Variants in KCNQ1 observed in about 807,000 individuals in gnomAD.
The protein encoded by KCNQ1 is potassium voltage-gated channel subfamily Q member 1.
Under a neutral mutation model 72.4 loss-of-function variants are expected in KCNQ1, and 49 were observed. The ratio of observed to expected loss-of-function variants is 0.68; its 90% confidence interval spans 0.54 to 0.86. The LOEUF is 0.86. Among genes scored for constraint, KCNQ1 ranks in the 40% least tolerant of loss-of-function variants. The probability of loss-of-function intolerance (pLI) is 0.00; values close to 1 mark genes in which losing one functional copy is unlikely to be tolerated. For synonymous variants in KCNQ1, 450 were observed against 412.6 expected (o/e 1.09, Z -1.10); for missense variants, 790 against 945.1 (o/e 0.84, Z 2.15).
At chr11:2,795,689 C>T (rs779554913) in intron 15 of KCNQ1, among the ~76,000 whole-genome samples, 1 of 152,248 alleles carries the variant, frequency 6.6e-6, no homozygotes, top group Non-Finnish European at 1.5e-5. Context: ...CACCCAGCCC[C>T]CAGCTACAGA....
chr11:2,640,890 C>T (rs995401917), intron 10 of KCNQ1: 1 of 399,492 alleles, frequency 2.5e-6, no homozygotes, highest in African/African-American at 2.1e-5. Context: ...ATGAGATCAA[C>T]TTTTATAGCT....
intron 15 of KCNQ1, among the ~76,000 whole-genome samples, chr11:2,837,753 G>A (rs1848105667): frequency 6.6e-6 from 1 of 152,240 alleles, no homozygotes; most frequent in African/African-American, 2.4e-5. Flanking sequence ...GGATGCTCCA[G>A]GAGGCAGGGC....
At chr11:2,680,066 T>C (rs1850365219) in intron 11 of KCNQ1, 3 of 395,690 alleles carry the variant, frequency 7.6e-6, no homozygotes, top group Non-Finnish European at 1.3e-5. Context: ...GCTAATTTTT[T>C]TTTTTATTAG....
chr11:2,718,183 C>T (rs758015893), intron 11 of KCNQ1, among the ~76,000 whole-genome samples: 7 of 152,194 alleles, frequency 4.6e-5, no homozygotes, highest in African/African-American at 1.2e-4. Flanking sequence ...CCCAGAGGCC[C>T]TCCCCTGACA....
Position 2,653,705 on chromosome 11 carries a change from C to A in KCNQ1, c.1394-8256C>A. On this transcript the variant is annotated intron_variant, in intron 10 of 15. Transcript: ENST00000155840. The surrounding 1 kb of genome is among the most constrained non-coding windows in gnomAD (Gnocchi z 5.3). ...CTCAGGAAGCCCAGCAGAACGAGGT[C>A]ATCTCTTCCAGGATTCCTGCCAGAA... 2.5e-6 allele frequency: 1 copy of A among 398,686 alleles called. No individual in the cohort carries two copies. Among genetic ancestry groups the A allele is most frequent in the Non-Finnish European group, 4.4e-6 (1 of 226,100 alleles). The allele number at this position is 398,686 out of a possible 1,614,324, so 24.7% of individuals were successfully genotyped here.
Position 2,815,616 on chromosome 11 carries a change from C to T in KCNQ1, c.1795-32151C>T, listed in dbSNP as rs1299479567. ...AAGATGAGGCACCCAGGATGCCTGA[C>T]AGTAGAGTTGCAGGGGGGCAGGCAC... On this transcript the variant is annotated intron_variant, in intron 15 of 15. Coordinates refer to ENST00000155840, the MANE Select transcript of KCNQ1 (RefSeq NM_000218.3). The surrounding 1 kb of genome is among the most constrained non-coding windows in gnomAD (Gnocchi z 5.4). Among the ~76,000 whole-genome samples, 2 of 152,166 alleles carry T rather than the reference C, an allele frequency of 1.3e-5. No homozygotes were observed. The highest frequency in any genetic ancestry group is 6.5e-5 in the Admixed American group (1 of 15,284).
rs1846135771 is a variant in KCNQ1, at chr11:2,746,125, AGT to A, written c.1515-22717_1515-22716del. Among the ~76,000 whole-genome samples, 1 of 152,174 alleles carries A rather than the reference AGT, an allele frequency of 6.6e-6. No individual in the cohort carries two copies. ...GGCTGATCTCGAACTCCTGGCCTCA[AGT>A]GATCCATCCGCCTCGGCCTCCCAAA... On this transcript the variant is annotated intron_variant, in intron 11 of 15. Transcript: ENST00000155840. This position sits in a 1 kb window ranked among gnomAD's most constrained non-coding sequence, Gnocchi z 5.9.
chr11:2,823,241 T>A (rs575979039), intron 15 of KCNQ1, among the ~76,000 whole-genome samples: 3 of 152,310 alleles, frequency 2.0e-5, no homozygotes, highest in African/African-American at 7.2e-5. Context: ...TCTGAACAGA[T>A]CAGTCTTTGG....
At position 2,752,756 on chromosome 11, in the gene KCNQ1, A is replaced by G. The variant is rs111434306; in HGVS notation, c.1515-16088A>G. 6.6e-6 allele frequency among the ~76,000 whole-genome samples: 1 copy of G among 152,174 alleles called. No individual in the cohort carries two copies. Among genetic ancestry groups the G allele is most frequent in the Admixed American group, 6.5e-5 (1 of 15,276 alleles). On this transcript the variant is annotated intron_variant, in intron 11 of 15. Transcript: ENST00000155840. This position sits in a 1 kb window ranked among gnomAD's most constrained non-coding sequence, Gnocchi z 5.2. ...TCAGGGCTGCGGGTTAGCTTTCGAC[A>G]TAGGGACTTTGGGAAGACACACACA...
At position 2,472,013 on chromosome 11, in the gene KCNQ1, T is replaced by A. The variant is rs148894284; in HGVS notation, c.386+26529T>A. 1.2e-4 allele frequency among the ~76,000 whole-genome samples: 19 copies of A among 152,012 alleles called. No individual in the cohort carries two copies. The East Asian group carries it at 3.7e-3, about 29-fold the overall frequency. On this transcript the variant is annotated intron_variant, in intron 1 of 15. Coordinates refer to ENST00000155840, the MANE Select transcript of KCNQ1 (RefSeq NM_000218.3). ...GTATAAGTGTGTGTGCACATGTGTATAGGTGTATGTATGGTTGTGTGTGTA... is the reference window on the plus strand; with the variant it reads ...GTATAAGTGTGTGTGCACATGTGTAAAGGTGTATGTATGGTTGTGTGTGTA...
In KCNQ1 at chr11:2,572,149, G is replaced by A. The variant is rs140551192; in HGVS notation, c.780+40G>A. ...TTAGGGGTGCGGGGCCCAGGTTGGG[G>A]ACAGGACGGAGGGAGCAGAGCAGCC... On this transcript the variant is annotated intron_variant, in intron 5 of 15. Coordinates refer to ENST00000155840, the MANE Select transcript of KCNQ1 (RefSeq NM_000218.3). 1,493 of 1,486,586 alleles carry A rather than the reference G, an allele frequency of 1.0e-3. 23 individuals are homozygous for A. In the East Asian group the frequency reaches 0.024, roughly 24 times the overall value. 92.1% of individuals were successfully genotyped at this position (1,486,586 alleles called of 1,614,324 possible). A position where few individuals can be genotyped will look rare whatever the true frequency, so the allele number is the denominator to read the frequency against.
chr11:2,510,508 G>A (rs1847181480), intron 1 of KCNQ1, among the ~76,000 whole-genome samples: 1 of 152,128 alleles, frequency 6.6e-6, no homozygotes, highest in African/African-American at 2.4e-5. Context: ...CCTGGAGGCT[G>A]AGGTGGGAGG....
At chr11:2,448,833 A>G (rs961286453) in intron 1 of KCNQ1, among the ~76,000 whole-genome samples, 29 of 152,146 alleles carry the variant, frequency 1.9e-4, no homozygotes, top group African/African-American at 6.5e-4. Context: ...GACCCGGCCC[A>G]GTGTTTCTAG....
In KCNQ1 at chr11:2,599,251, C is replaced by T. The variant is rs115979480; in HGVS notation, c.1393+10397C>T. On this transcript the variant is annotated intron_variant, in intron 10 of 15. Coordinates refer to ENST00000155840, the MANE Select transcript of KCNQ1 (RefSeq NM_000218.3). The surrounding 1 kb of genome is among the most constrained non-coding windows in gnomAD (Gnocchi z 4.7). Reference sequence around the variant, plus strand: ...GCATTATCATTGTTTTCCAAACTCACGGGATCATATCATACCTGCTTTCTG... The same window carrying T: ...GCATTATCATTGTTTTCCAAACTCATGGGATCATATCATACCTGCTTTCTG... Among the ~76,000 whole-genome samples the T allele has an allele frequency of 4.8e-3, 734 of 152,236 alleles. 1 individual carries two copies. Among genetic ancestry groups the T allele is most frequent in the African/African-American group, 0.016 (654 of 41,532 alleles).
chr11:2,525,421 A>G (rs1456487181), intron 1 of KCNQ1, among the ~76,000 whole-genome samples: 3 of 152,218 alleles, frequency 2.0e-5, no homozygotes, highest in Non-Finnish European at 4.4e-5. Flanking sequence ...CGCTGTGCGG[A>G]TTATAGTCCC....
Position 2,516,416 on chromosome 11 carries a change from G to A in KCNQ1, c.387-11512G>A, listed in dbSNP as rs375701256. Reference sequence around the variant, plus strand: ...CCACCATAGAGCCTGTTTTTAAAGGGGATGTGGCGGCCAGCTCTGGGGGCA... The same window carrying A: ...CCACCATAGAGCCTGTTTTTAAAGGAGATGTGGCGGCCAGCTCTGGGGGCA... On this transcript the variant is annotated intron_variant, in intron 1 of 15. Coordinates refer to ENST00000155840, the MANE Select transcript of KCNQ1 (RefSeq NM_000218.3). The surrounding 1 kb of genome is among the most constrained non-coding windows in gnomAD (Gnocchi z 7.0). Among the ~76,000 whole-genome samples, 14 of 152,234 alleles carry A rather than the reference G, an allele frequency of 9.2e-5. No individual in the cohort carries two copies. In the East Asian group the frequency reaches 2.5e-3, roughly 27 times the overall value.
chr11:2,660,203 G>A (rs946200686), intron 10 of KCNQ1: 45 of 398,128 alleles, frequency 1.1e-4, no homozygotes, highest in African/African-American at 9.0e-4. Flanking sequence ...TTTTCAGTAA[G>A]TTTGTATGTA....
At chr11:2,461,810 G>C (rs1846282705) in intron 1 of KCNQ1, 1 of 1,025,830 alleles carries the variant, frequency 9.7e-7, no homozygotes, top group African/African-American at 1.7e-5. Flanking sequence ...GGGTAGATGG[G>C]TGGACAGCTG....
intron 11 of KCNQ1, chr11:2,693,987 G>A: frequency 2.5e-6 from 1 of 398,744 alleles, no homozygotes; most frequent in Non-Finnish European, 4.4e-6. Flanking sequence ...AGCAGGCCCA[G>A]CCCGGCCTCT....
Sources: gnomAD v4.1 joint callset for allele counts (sites outside exome capture counted in the v4.1 genomes callset) on GRCh38, gnomAD v4.1.1 for gene constraint, Gnocchi (gnomAD v3.1) non-coding constraint, MANE v1.5 for transcripts, NCBI Gene and HGNC (gene_info 2026-07-23, HGNC 2026-07-21) for gene names.